The following OPA1 variants were observed in gnomAD, a reference collection of about 807,000 sequenced individuals.
OPA1 encodes dynamin-like GTPase OPA1, mitochondrial.
OPA1 carries 59 observed loss-of-function variants against 152.9 expected under a neutral mutation model. That is an observed-to-expected ratio of 0.39 (90% CI 0.31 to 0.48). The LOEUF (loss-of-function observed/expected upper bound fraction) is 0.48, where lower values mean the gene tolerates loss of function less well. Ranked by LOEUF, OPA1 falls within the 20% of genes least tolerant of loss-of-function variation. OPA1 has a pLI of 0.96. For synonymous variants in OPA1, 400 were observed against 389.9 expected (o/e 1.03, Z -0.31); for missense variants, 1,008 against 1,216.8 (o/e 0.83, Z 2.55).
chr3:193,674,747 A>T (rs1042893557), intron 29 of OPA1, among the ~76,000 whole-genome samples: 4 of 152,208 alleles, frequency 2.6e-5, no homozygotes, highest in Non-Finnish European at 5.9e-5. Flanking sequence ...CACTTCTCCC[A>T]TACCTGCCAT....
intron 16 of OPA1, among the ~76,000 whole-genome samples, chr3:193,644,848 TA>T (rs575414425): frequency 1.4e-3 from 212 of 152,328 alleles, no homozygotes; most frequent in African/African-American, 4.9e-3. Flanking sequence ...CCTTTTTGTA[TA>T]AAAGATTCAG....
At chr3:193,644,154 A>G (rs1355086344) in intron 16 of OPA1, 49 bp downstream of exon 16, 1 of 1,601,058 alleles carries the variant, frequency 6.2e-7, no homozygotes, top group Admixed American at 1.7e-5. Flanking sequence ...TAAAAGCTCC[A>G]GCTGTGATAG....
intron 1 of OPA1, among the ~76,000 whole-genome samples, chr3:193,605,998 G>A (rs1397544681): frequency 1.3e-5 from 2 of 152,222 alleles, no homozygotes; most frequent in Middle Eastern, 6.8e-3. Context: ...TCCTTTAAAG[G>A]TATTACGGGG....
At chr3:193,625,752 T>A (rs556151998) in intron 6 of OPA1, among the ~76,000 whole-genome samples, 1 of 152,016 alleles carries the variant, frequency 6.6e-6, no homozygotes, top group South Asian at 2.1e-4. Flanking sequence ...ATTAGAAAAT[T>A]TAGACCAGTA....
intron 7 of OPA1, 56 bp downstream of exon 7, chr3:193,626,258 C>T (rs1731120854): frequency 1.5e-5 from 19 of 1,239,378 alleles, no homozygotes; most frequent in Non-Finnish European, 1.9e-5. Context: ...GCCATTTCTG[C>T]CAAGATCATG....
intron 7 of OPA1, among the ~76,000 whole-genome samples, chr3:193,626,597 C>T (rs1287583256): frequency 2.0e-5 from 3 of 152,156 alleles, no homozygotes; most frequent in Non-Finnish European, 2.9e-5. Context: ...GACCAGTTTA[C>T]ACTAAAGAAT....
rs1733076711 is a variant in OPA1 at position 193,637,182 on chromosome 3, A to T, written c.949-13A>T. The T allele has an allele frequency of 1.1e-5, 16 of 1,502,406 alleles. No homozygotes were observed. The highest frequency in any genetic ancestry group is 2.8e-5 in the African/African-American group (2 of 72,394). The allele number at this position is 1,502,406 out of a possible 1,614,324, so 93.1% of individuals were successfully genotyped here. ...TTACTGTTTTATATTATAACTTTTT[A>T]AAATTTTTACAGAAATCTTTGATTG... On this transcript the variant is annotated splice_polypyrimidine_tract_variant and intron_variant, in intron 9 of 30. Coordinates refer to ENST00000361510, the MANE Select transcript of OPA1 (RefSeq NM_130837.3).
At chr3:193,647,030 A>T (rs748303451) in intron 18 of OPA1, 35 bp from the exon 19 acceptor site, 397 of 1,386,298 alleles carry the variant, frequency 2.9e-4, no homozygotes, top group Non-Finnish European at 3.7e-4. Context: ...TTGTCATTTT[A>T]ATATACTTTA....
chr3:193,613,585 G>GT (rs1197560376), intron 1 of OPA1, among the ~76,000 whole-genome samples: 168 of 147,114 alleles, frequency 1.1e-3, no homozygotes, highest in African/African-American at 3.8e-3. Context: ...TTGTTTGTTT[G>GT]TTTTTTTTTG....
intron 26 of OPA1, 95 bp from the exon 27 acceptor site, chr3:193,664,785 T>C: frequency 1.3e-6 from 1 of 769,554 alleles, no homozygotes; most frequent in Non-Finnish European, 2.3e-6. Flanking sequence ...TTAATTAACT[T>C]TTTTGGTAAA....
At chr3:193,659,427 T>C (rs898678976) in intron 24 of OPA1, 55 bp from the exon 25 acceptor site, 1 of 1,364,820 alleles carries the variant, frequency 7.3e-7, no homozygotes, top group Non-Finnish European at 1.0e-6. Context: ...TTATTAGTTA[T>C]AATTTGTGTG....
rs780323593 is a variant in OPA1 at position 193,692,086 on chromosome 3, A to C, written c.3007A>C (p.Lys1003Gln). The change falls in exon 30 of 31, where the codon AAA becomes CAA. Residue 1003 changes from lysine (K) to glutamine (Q), a missense_variant. Transcript: ENST00000361510. ...AGAGAAAGTTAGAGAAATTCAAGAA[A>C]AACTTGATGCTTTCATTGAAGCTCT... ...DLKKVREIQEKLDAFIEALHQ... is the reference protein window; with the variant it reads ...DLKKVREIQEQLDAFIEALHQ... The C allele has an allele frequency of 6.4e-7, 1 of 1,551,500 alleles. No homozygotes were observed. The highest frequency in any genetic ancestry group is 1.2e-5 in the South Asian group (1 of 86,076).
At chr3:193,624,636 CAT>C (rs1187694215) in intron 6 of OPA1, among the ~76,000 whole-genome samples, 1 of 152,020 alleles carries the variant, frequency 6.6e-6, no homozygotes, top group East Asian at 1.9e-4. Flanking sequence ...TATTTAAAGA[CAT>C]GTCTTTTTAT....
intron 27 of OPA1, 83 bp downstream of exon 27, chr3:193,665,079 T>C: frequency 1.3e-6 from 1 of 771,804 alleles, no homozygotes; most frequent in South Asian, 1.5e-5. Context: ...GCTTAAGCAT[T>C]AATTTTAAGT....
At chr3:193,630,683 A>AT (rs1216265112) in intron 7 of OPA1, among the ~76,000 whole-genome samples, 18 of 152,238 alleles carry the variant, frequency 1.2e-4, no homozygotes, top group African/African-American at 3.8e-4. Context: ...ACAAGTTTTG[A>AT]TTTTCAGAAA....
chr3:193,603,922 CAG>C (rs145717933), intron 1 of OPA1, among the ~76,000 whole-genome samples: 2,380 of 152,220 alleles, frequency 0.016, 71 homozygotes, highest in African/African-American at 0.055. Context: ...GCAGAGATAA[CAG>C]AGTAGCAGCA....
intron 8 of OPA1, among the ~76,000 whole-genome samples, chr3:193,633,122 G>T (rs1045212173): frequency 1.3e-5 from 2 of 151,984 alleles, no homozygotes; most frequent in African/African-American, 4.8e-5. Flanking sequence ...GTTTTTAAGG[G>T]TTCCTAGCCA....
chr3:193,598,937 TTCTC>T (rs1409303679), intron 1 of OPA1, among the ~76,000 whole-genome samples: 1 of 152,180 alleles, frequency 6.6e-6, no homozygotes, highest in African/African-American at 2.4e-5. Context: ...CATGAGCTCT[TTCTC>T]TGGTTGATAT....
chr3:193,616,983 G>A (rs749044320), intron 3 of OPA1, among the ~76,000 whole-genome samples, 195 bp from the exon 4 acceptor site: 1 of 152,240 alleles, frequency 6.6e-6, no homozygotes, highest in East Asian at 1.9e-4. Context: ...GAGCTGGACT[G>A]CCTGGGCTGG....
Sources: gnomAD v4.1 joint callset for allele counts (sites outside exome capture counted in the v4.1 genomes callset) on GRCh38, gnomAD v4.1.1 for gene constraint, MANE v1.5 for transcripts, NCBI Gene and HGNC (gene_info 2026-07-23, HGNC 2026-07-21) for gene names.